Variants in FERRY3 observed in about 807,000 individuals in gnomAD.
FERRY3 encodes the protein protein C12orf4.
chr12:4,520,548 T>G, the FERRY3 span, among the ~76,000 whole-genome samples: 1 of 152,284 alleles, frequency 6.6e-6, no homozygotes, highest in African/African-American at 2.4e-5. Context: ...GACCCCCAAG[T>G]GCCGTTCTAA....
the FERRY3 span, chr12:4,489,877 T>C: frequency 6.2e-7 from 1 of 1,608,984 alleles, no homozygotes; most frequent in Non-Finnish European, 8.5e-7. Flanking sequence ...ACTAAGTTGA[T>C]AAAACATTTC....
At chr12:4,515,146 G>A in the FERRY3 span, among the ~76,000 whole-genome samples, 22 of 152,204 alleles carry the variant, frequency 1.4e-4, no homozygotes, top group East Asian at 5.8e-4. Context: ...ATTACTCTGC[G>A]ATTTGAGCCA....
the FERRY3 span, among the ~76,000 whole-genome samples, chr12:4,492,615 C>T: frequency 2.0e-5 from 3 of 152,200 alleles, no homozygotes; most frequent in Non-Finnish European, 1.5e-5. Flanking sequence ...ATTTCCCCCC[C>T]TCTGCCCTGG....
At chr12:4,500,892 C>A in the FERRY3 span, among the ~76,000 whole-genome samples, 2 of 152,210 alleles carry the variant, frequency 1.3e-5, no homozygotes, top group South Asian at 2.1e-4. Flanking sequence ...ACCTCATGAT[C>A]CGCCCGCCTT....
the FERRY3 span, among the ~76,000 whole-genome samples, chr12:4,493,081 A>G: frequency 3.9e-5 from 6 of 152,068 alleles, no homozygotes; most frequent in Non-Finnish European, 5.9e-5. Context: ...TCATTTTTCA[A>G]TGTCCAGCTT....
At chr12:4,512,118 G>T in the FERRY3 span, among the ~76,000 whole-genome samples, 1 of 128,772 alleles carries the variant, frequency 7.8e-6, no homozygotes, top group East Asian at 2.1e-4. Context: ...ACACCTCTAC[G>T]CAAATAAACT....
chr12:4,523,607 C>T, the FERRY3 span, among the ~76,000 whole-genome samples: 1 of 152,188 alleles, frequency 6.6e-6, no homozygotes, highest in African/African-American at 2.4e-5. Flanking sequence ...GGCACATATA[C>T]ACCATGGAAT....
chr12:4,511,590 C>G, the FERRY3 span, among the ~76,000 whole-genome samples: 2 of 149,186 alleles, frequency 1.3e-5, no homozygotes, highest in Non-Finnish European at 3.0e-5. Context: ...GAATCTCACT[C>G]AAAGCCGCTC....
chr12:4,532,050 T>G, the FERRY3 span, among the ~76,000 whole-genome samples: 588 of 152,202 alleles, frequency 3.9e-3, 3 homozygotes, highest in Admixed American at 7.0e-3. Flanking sequence ...CAGGATGGCT[T>G]TGAATGCCGC....
the FERRY3 span, among the ~76,000 whole-genome samples, chr12:4,501,778 C>T: frequency 6.6e-6 from 1 of 152,020 alleles, no homozygotes; most frequent in South Asian, 2.1e-4. Context: ...AAATAAAGTA[C>T]ACAATAAATG....
At chr12:4,508,298 A>G in the FERRY3 span, among the ~76,000 whole-genome samples, 1 of 152,224 alleles carries the variant, frequency 6.6e-6, no homozygotes, top group Non-Finnish European at 1.5e-5. Context: ...AAATACTACA[A>G]TGGTTTCTTT....
the FERRY3 span, chr12:4,490,422 T>C: frequency 1.2e-6 from 1 of 861,924 alleles, no homozygotes; most frequent in South Asian, 1.9e-5. Context: ...ATTAGCCTTT[T>C]GTGTTGTTTT....
At chr12:4,525,142 C>T in the FERRY3 span, 11 of 1,341,490 alleles carry the variant, frequency 8.2e-6, no homozygotes, top group African/African-American at 1.5e-5. Context: ...TTGTCTTGAA[C>T]TTTCACTAGC....
the FERRY3 span, chr12:4,505,193 TATA>T: frequency 1.4e-6 from 1 of 698,068 alleles, no homozygotes; most frequent in Non-Finnish European, 2.5e-6. Context: ...TTCAAAGTGA[TATA>T]ATGACATATA....
the FERRY3 span, among the ~76,000 whole-genome samples, chr12:4,528,946 A>G: frequency 6.6e-6 from 1 of 150,738 alleles, no homozygotes; most frequent in Non-Finnish European, 1.5e-5. Flanking sequence ...CACAAACAAA[A>G]GTGATTTAGT....
chr12:4,494,383 T>G, the FERRY3 span, among the ~76,000 whole-genome samples: 2 of 152,250 alleles, frequency 1.3e-5, no homozygotes, highest in Admixed American at 6.5e-5. Flanking sequence ...TATGCCTTTG[T>G]GGCCTAACAA....
the FERRY3 span, among the ~76,000 whole-genome samples, chr12:4,514,391 A>G: frequency 1.2e-4 from 19 of 152,198 alleles, no homozygotes; most frequent in East Asian, 3.7e-3. Context: ...CCATCCCATT[A>G]CTGGGTATAT....
At chr12:4,500,475 CAGGA>C in the FERRY3 span, 365 of 719,366 alleles carry the variant, frequency 5.1e-4, 2 homozygotes, top group African/African-American at 5.8e-3. Flanking sequence ...TTACTGGATT[CAGGA>C]AGCAACTGTG....
At chr12:4,525,399 G>A in the FERRY3 span, 1 of 1,600,044 alleles carries the variant, frequency 6.2e-7, no homozygotes. Context: ...TATACCAACT[G>A]GTTAATTTTT....
Sources: gnomAD v4.1 joint callset for allele counts (sites outside exome capture counted in the v4.1 genomes callset) on GRCh38, gnomAD v4.1.1 for gene constraint, MANE v1.5 for transcripts, NCBI Gene and HGNC (gene_info 2026-07-23, HGNC 2026-07-21) for gene names.